Variants in CPS1 observed in about 807,000 individuals in gnomAD.
CPS1 encodes carbamoyl-phosphate synthase 1.
CPS1 carries 109 observed loss-of-function variants against 174.6 expected under a neutral mutation model. The observed-to-expected ratio is 0.62, with a 90% CI of 0.53 to 0.73. The LOEUF (loss-of-function observed/expected upper bound fraction) is 0.73. CPS1 is among the 30% of genes least tolerant of loss of function. The pLI, the probability that CPS1 is intolerant of heterozygous loss-of-function variation, is 0.00. For synonymous variants in CPS1, 637 were observed against 632.0 expected, an observed-to-expected ratio of 1.01 and a Z score of -0.12; for missense variants, 1,689 against 1,821.9, an observed-to-expected ratio of 0.93 and a Z score of 1.33.
chr2:210,618,038 T>C (rs530190397), intron 21 of CPS1: 1 of 152,154 alleles, frequency 6.6e-6, no homozygotes, highest in African/African-American at 2.4e-5. Flanking sequence ...GTTCTGATTT[T>C]TGGACAAATT....
intron 1 of CPS1, among the ~76,000 whole-genome samples, chr2:210,511,086 G>A (rs1022197207): frequency 6.6e-5 from 10 of 152,270 alleles, no homozygotes; most frequent in Non-Finnish European, 5.9e-5. Context: ...GCACACGTAT[G>A]TTTATTGTGG....
chr2:210,674,012 A>T (rs1019471612), intron 34 of CPS1: 1 of 152,214 alleles, frequency 6.6e-6, no homozygotes, highest in Admixed American at 6.5e-5. Flanking sequence ...AGGATTTGAA[A>T]TGCAGCTAAC....
chr2:210,558,810 T>C (rs1466087521), intron 1 of CPS1, among the ~76,000 whole-genome samples: 3 of 152,052 alleles, frequency 2.0e-5, no homozygotes, highest in Non-Finnish European at 4.4e-5. Flanking sequence ...GTGAAAGCAG[T>C]TCTAGCTCAT....
At chr2:210,551,313 A>G (rs549299182) in intron 1 of CPS1, among the ~76,000 whole-genome samples, 1 of 152,032 alleles carries the variant, frequency 6.6e-6, no homozygotes, top group Non-Finnish European at 1.5e-5. Context: ...TTCACTGGAT[A>G]ATCCACTCTG....
At chr2:210,506,223 C>T (rs948015724) in intron 1 of CPS1, among the ~76,000 whole-genome samples, 29 of 152,196 alleles carry the variant, frequency 1.9e-4, no homozygotes, top group African/African-American at 4.6e-4. Flanking sequence ...ATTTGCTGTT[C>T]GCCAATATCC....
At chr2:210,539,375 G>A (rs1696342287) in intron 1 of CPS1, among the ~76,000 whole-genome samples, 1 of 152,208 alleles carries the variant, frequency 6.6e-6, no homozygotes, top group Non-Finnish European at 1.5e-5. Flanking sequence ...TTATTTTCAA[G>A]CAAGATTTGG....
chr2:210,527,761 T>G (rs190143377), intron 1 of CPS1, among the ~76,000 whole-genome samples: 1 of 152,006 alleles, frequency 6.6e-6, no homozygotes, highest in African/African-American at 2.4e-5. Context: ...AACATGATAC[T>G]TCATTACCTA....
intron 2 of CPS1, among the ~76,000 whole-genome samples, chr2:210,574,058 T>C (rs1316032453): frequency 1.3e-5 from 2 of 152,056 alleles, no homozygotes; most frequent in African/African-American, 4.8e-5. Context: ...TGCTTTTACC[T>C]AGTTAATAAA....
intron 28 of CPS1, among the ~76,000 whole-genome samples, chr2:210,653,028 T>C (rs891308856): frequency 1.3e-5 from 2 of 152,168 alleles, no homozygotes; most frequent in Non-Finnish European, 2.9e-5. Flanking sequence ...CATTTCATGA[T>C]AGTGGTCAGA....
chr2:210,660,345 A>C (rs998915246), intron 31 of CPS1, 140 bp from the exon 32 acceptor site: 22 of 819,102 alleles, frequency 2.7e-5, no homozygotes, highest in Admixed American at 1.0e-4. Context: ...CCAAGCAGTA[A>C]GGAGAAAAGA....
chr2:210,579,078 G>C (rs187740132), intron 4 of CPS1, among the ~76,000 whole-genome samples: 7 of 151,916 alleles, frequency 4.6e-5, no homozygotes, highest in Non-Finnish European at 1.0e-4. Context: ...CAGATAATTA[G>C]TGGAAGAAAA....
chr2:210,594,462 T>C, intron 11 of CPS1, 46 bp from the exon 12 acceptor site: 4 of 1,329,570 alleles, frequency 3.0e-6, no homozygotes, highest in Non-Finnish European at 4.3e-6. Context: ...TCTGGTGAAC[T>C]TAGGAATTTT....
In CPS1 at chr2:210,677,105, A is replaced by G; in HGVS notation, c.4373A>G (p.Asp1458Gly). 6.2e-7 allele frequency: 1 copy of G among 1,613,866 alleles called. No individual in the cohort carries two copies. The highest frequency in any genetic ancestry group is 1.3e-5 in the African/African-American group (1 of 75,046). The change falls in exon 37 of 38, where the codon GAT becomes GGT. Residue 1458 changes from aspartate to glycine, a missense_variant. By Grantham distance (94) the Asp-to-Gly change is moderately conservative. Transcript: ENST00000233072. ...DNYVIRRTAV[D>G]SGIPLLTNFQ... Reference sequence around the variant, plus strand: ...TATGTGATTCGGAGGACAGCTGTTGATAGTGGAATCCCTCTCCTCACTAAT... The same window carrying G: ...TATGTGATTCGGAGGACAGCTGTTGGTAGTGGAATCCCTCTCCTCACTAAT...
chr2:210,562,646 AG>A (rs1362785030), intron 1 of CPS1, among the ~76,000 whole-genome samples: 3 of 152,152 alleles, frequency 2.0e-5, no homozygotes, highest in African/African-American at 4.8e-5. Flanking sequence ...ATGAGTACTG[AG>A]GCGAACTAAT....
intron 1 of CPS1, among the ~76,000 whole-genome samples, chr2:210,482,783 A>C (rs1390830959): frequency 6.6e-6 from 1 of 152,198 alleles, no homozygotes; most frequent in Admixed American, 6.5e-5. Context: ...TACATTTGTT[A>C]TATCATAGTC....
Position 210,591,897 on chromosome 2 carries a change from C to T in CPS1, c.1014C>T (p.Gly338=). The change falls in exon 10 of 38, where the codon GGC becomes GGT. Residue 338 remains glycine (G), a synonymous_variant. Coordinates refer to ENST00000233072, the MANE Select transcript of CPS1 (RefSeq NM_001875.5). ...CTTTCATTACTGCTCAGAATCATGGCTATGCCTTGGACAACACCCTCCCTG... is the reference window on the plus strand; with the variant it reads ...CTTTCATTACTGCTCAGAATCATGGTTATGCCTTGGACAACACCCTCCCTG... The part of the protein sequence containing the change: ...KQAFITAQNH[G]YALDNTLPAG... The T allele has an allele frequency of 1.2e-6, 2 of 1,612,490 alleles. No individual in the cohort carries two copies. The highest frequency in any genetic ancestry group is 1.1e-5 in the South Asian group (1 of 91,040).
intron 23 of CPS1, 54 bp downstream of exon 23, chr2:210,639,269 C>A: frequency 7.7e-7 from 1 of 1,296,748 alleles, no homozygotes; most frequent in Non-Finnish European, 1.1e-6. Flanking sequence ...ATAGACAGTT[C>A]ACATTAGGGA....
chr2:210,668,020 A>T (rs1354143060), intron 33 of CPS1, among the ~76,000 whole-genome samples, 166 bp from the exon 34 acceptor site: 1 of 152,048 alleles, frequency 6.6e-6, no homozygotes, highest in Admixed American at 6.6e-5. Context: ...TTTGGGCAAC[A>T]TTAATAAAAT....
At chr2:210,562,409 G>A (rs1697132964) in intron 1 of CPS1, among the ~76,000 whole-genome samples, 1 of 152,154 alleles carries the variant, frequency 6.6e-6, no homozygotes, top group African/African-American at 2.4e-5. Context: ...GTTAGGCCTT[G>A]TAACTGCAGA....
Sources: allele counts gnomAD v4.1 joint callset (sites outside exome capture counted in the v4.1 genomes callset), GRCh38; gene constraint gnomAD v4.1.1; transcripts MANE v1.5; gene names NCBI Gene and HGNC (gene_info 2026-07-23, HGNC 2026-07-21).